The following PCDHGB4 variants were observed in gnomAD, a reference collection of about 807,000 sequenced individuals.
PCDHGB4 encodes the protein protocadherin gamma subfamily B, 4, also known as protocadherin gamma-B4.
PCDHGB4 carries 38 observed loss-of-function variants against 60.5 expected under a neutral mutation model. The ratio of observed to expected loss-of-function variants is 0.63; its 90% CI spans 0.48 to 0.82. The LOEUF (loss-of-function observed/expected upper bound fraction) is 0.82, where lower values mean the gene tolerates loss of function less well. PCDHGB4 is among the 40% of genes least tolerant of loss of function. PCDHGB4 has a pLI of 0.00. For synonymous variants in PCDHGB4, 456 were observed against 509.7 expected (o/e 0.89, Z 1.42); for missense variants, 1,109 against 1,209.6 (o/e 0.92, Z 1.23).
At chr5:141,410,191 C>T in intron 1 of PCDHGB4, 1 of 1,613,994 alleles carries the variant, frequency 6.2e-7, no homozygotes, top group Non-Finnish European at 8.5e-7. Context: ...TTCATCTGGT[C>T]TTCGCAGACA....
chr5:141,394,380 G>A (rs867131974), intron 1 of PCDHGB4: 2 of 1,614,196 alleles, frequency 1.2e-6, no homozygotes, highest in Non-Finnish European at 1.7e-6. Context: ...TTTCGACTAT[G>A]AGCAGATCCG....
At chr5:141,419,279 G>C in intron 1 of PCDHGB4, 1 of 1,614,042 alleles carries the variant, frequency 6.2e-7, no homozygotes, top group South Asian at 1.1e-5. Flanking sequence ...CATAGCGCAA[G>C]TCAGTGCCTC....
chr5:141,423,758 G>GGGT, intron 1 of PCDHGB4: 1 of 366,842 alleles, frequency 2.7e-6, no homozygotes, highest in Non-Finnish European at 3.8e-6. Context: ...TTTGGGGGGG[G>GGGT]GGTGGGGCGG....
intron 1 of PCDHGB4, chr5:141,405,408 TTTTTTTG>T (rs2094659443): frequency 2.5e-6 from 4 of 1,572,390 alleles, no homozygotes; most frequent in African/African-American, 1.4e-5. Flanking sequence ...CTTTCTTTTC[TTTTTTTG>T]TTTTTTGTTT....
rs763451417 is a variant in PCDHGB4, at chr5:141,408,628, T to G, written c.2397+18347T>G. On this transcript the variant is annotated intron_variant, in intron 1 of 3. Transcript: ENST00000519479. The stretch of plus-strand genomic sequence containing the variant: ...ATAAAAAGGAAATACATTTAGAAAT[T>G]TTCGAATCTGCATCCGCTGGTACAC... The G allele has an allele frequency of 3.7e-6, 6 of 1,613,920 alleles. No individual in the cohort carries two copies. In the Admixed American group the frequency reaches 1.0e-4, roughly 27 times the overall value.
At chr5:141,415,114 G>C (rs186848544) in intron 1 of PCDHGB4, 1 of 1,613,648 alleles carries the variant, frequency 6.2e-7, no homozygotes, top group Non-Finnish European at 8.5e-7. Flanking sequence ...GCAAAGCCTC[G>C]TAGTGGCCGT....
At chr5:141,441,831 C>T in intron 1 of PCDHGB4, 3 of 352,742 alleles carry the variant, frequency 8.5e-6, no homozygotes, top group South Asian at 7.2e-5. Context: ...AGCGCAATGG[C>T]TTCGCGCTCT....
intron 1 of PCDHGB4, chr5:141,391,283 A>G (rs2092334879): frequency 6.6e-6 from 1 of 152,120 alleles, no homozygotes; most frequent in African/African-American, 2.4e-5. Context: ...CAAATTGCTG[A>G]AAGAAGGAAA....
At position 141,491,346 on chromosome 5, in the gene PCDHGB4, T is replaced by A. The variant is rs760843553; in HGVS notation, c.2398-3461T>A. ...TCATTGTGGCTCTAGCGACCGTCAG[T>A]CTCTTATCCCTAGTCACCTTCACCT... On this transcript the variant is annotated intron_variant, in intron 1 of 3. Coordinates refer to ENST00000519479, the MANE Select transcript of PCDHGB4 (RefSeq NM_003736.4). This position sits in a 1 kb window ranked among gnomAD's most constrained non-coding sequence, Gnocchi z 6.9. The A allele has an allele frequency of 6.2e-7, 1 of 1,614,088 alleles. No individual in the cohort carries two copies. The highest frequency in any genetic ancestry group is 1.1e-5 in the South Asian group (1 of 91,080).
rs1218837884 is a variant in PCDHGB4 at position 141,403,668 on chromosome 5, C to A, written c.2397+13387C>A. On this transcript the variant is annotated intron_variant, in intron 1 of 3. Coordinates refer to ENST00000519479, the MANE Select transcript of PCDHGB4 (RefSeq NM_003736.4). ...ACAGTGTTGGATACAAATGATAATG[C>A]CCCGGTTTTTGCTCAACGGATTTAC... 1.9e-6 allele frequency: 3 copies of A among 1,613,772 alleles called. No individual in the cohort carries two copies. In the African/African-American group the frequency reaches 4.0e-5, roughly 22 times the overall value.
At chr5:141,410,473 A>G (rs1347318074) in intron 1 of PCDHGB4, 1 of 1,614,028 alleles carries the variant, frequency 6.2e-7, no homozygotes, top group East Asian at 2.2e-5. Context: ...TGTGCATTGC[A>G]CATACGGGTA....
intron 1 of PCDHGB4, chr5:141,413,863 G>A (rs1367797365): frequency 1.9e-6 from 3 of 1,613,356 alleles, no homozygotes; most frequent in Admixed American, 1.7e-5. Flanking sequence ...ATCTGGCACT[G>A]TCCTTGTCAG....
At chr5:141,506,130 GAGA>G (rs560751517) in intron 3 of PCDHGB4, among the ~76,000 whole-genome samples, 2 of 152,170 alleles carry the variant, frequency 1.3e-5, no homozygotes, top group Admixed American at 1.3e-4. Context: ...CCCAGAGCAG[GAGA>G]AGAAGAATAT....
intron 1 of PCDHGB4, chr5:141,419,094 G>A (rs1241481126): frequency 2.5e-6 from 4 of 1,613,776 alleles, no homozygotes; most frequent in South Asian, 1.1e-5. Flanking sequence ...GCCCTGGATC[G>A]GGAGCAGACC....
intron 1 of PCDHGB4, chr5:141,471,535 T>C (rs553186728): frequency 6.6e-6 from 1 of 152,368 alleles, no homozygotes; most frequent in African/African-American, 2.4e-5. Context: ...GAAGCTATGA[T>C]AGCATTTAAG....
chr5:141,478,748 A>G (rs2099474609), intron 1 of PCDHGB4: 2 of 1,525,644 alleles, frequency 1.3e-6, no homozygotes, highest in African/African-American at 1.4e-5. Context: ...GTCCCATTTC[A>G]GGGGGAAGAT....
chr5:141,413,425 C>T, intron 1 of PCDHGB4: 1 of 1,614,098 alleles, frequency 6.2e-7, no homozygotes, highest in Non-Finnish European at 8.5e-7. Flanking sequence ...TCTGAACCCG[C>T]GCAGCGGCAG....
chr5:141,415,264 C>T, intron 1 of PCDHGB4: 3 of 1,614,210 alleles, frequency 1.9e-6, no homozygotes, highest in South Asian at 1.1e-5. Flanking sequence ...CACTCTGTAC[C>T]TGGTGGTAGC....
rs1028054307 is a variant in PCDHGB4 at position 141,417,708 on chromosome 5, G to A, written c.2397+27427G>A. The A allele has an allele frequency of 2.4e-5, 29 of 1,227,762 alleles. No homozygotes were observed. In the South Asian group the frequency reaches 2.9e-4, roughly 12 times the overall value. 76.1% of individuals were successfully genotyped at this position (1,227,762 alleles called of 1,614,324 possible). On this transcript the variant is annotated intron_variant, in intron 1 of 3. Transcript: ENST00000519479. ...AAAGAAAACCAGCTCCCACACAGAG[G>A]CTCCCGGCTGCGCAGACCTTGCCCA... is the stretch of plus-strand genomic sequence containing the variant.
Sources: gnomAD v4.1 joint callset for allele counts (sites outside exome capture counted in the v4.1 genomes callset) on GRCh38, gnomAD v4.1.1 for gene constraint, Gnocchi (gnomAD v3.1) non-coding constraint, MANE v1.5 for transcripts, NCBI Gene and HGNC (gene_info 2026-07-23, HGNC 2026-07-21) for gene names.